The following BRINP3 variants were observed in gnomAD, a reference collection of about 807,000 sequenced individuals.
BRINP3 encodes BMP/retinoic acid-inducible neural-specific protein 3.
BRINP3 carries 19 observed loss-of-function variants against 71.0 expected under a neutral mutation model. That is an observed-to-expected ratio of 0.27 (90% CI 0.19 to 0.39). The LOEUF (loss-of-function observed/expected upper bound fraction) is 0.39. BRINP3 is among the 10% of genes least tolerant of loss of function. The pLI, the probability that BRINP3 is intolerant of heterozygous loss-of-function variation, is 1.00. For missense variants in BRINP3, 959 were observed against 940.8 expected (o/e 1.02, Z -0.25); for synonymous variants, 380 against 337.7 (o/e 1.13, Z -1.37).
chr1:190,199,539 G>T (rs145434650), intron 6 of BRINP3, among the ~76,000 whole-genome samples: 113 of 152,048 alleles, frequency 7.4e-4, no homozygotes, highest in African/African-American at 2.6e-3. Context: ...GAGCAATAAG[G>T]CTCCAAACTA....
chr1:190,342,962 T>C (rs1246712476), intron 2 of BRINP3, among the ~76,000 whole-genome samples: 1 of 151,812 alleles, frequency 6.6e-6, no homozygotes, highest in African/African-American at 2.4e-5. Context: ...AAGCTTTGAA[T>C]ACAAGTTTAA....
chr1:190,288,524 G>C (rs1663607974), intron 2 of BRINP3, among the ~76,000 whole-genome samples: 1 of 151,908 alleles, frequency 6.6e-6, no homozygotes, highest in Non-Finnish European at 1.5e-5. Flanking sequence ...AAAATGTAAA[G>C]CTTTCAGAAT....
In BRINP3 at chr1:190,180,931, A is replaced by AT. The variant is rs1259896061; in HGVS notation, c.962-20042dup. Reference sequence around the variant, plus strand: ...TTGTATTTTACATCAGTAAAGCACAATATCAGAAACAGGAAATTAATAGGC... The same window carrying AT: ...TTGTATTTTACATCAGTAAAGCACAATTATCAGAAACAGGAAATTAATAGGC... On this transcript the variant is annotated intron_variant, in intron 6 of 7. Coordinates refer to ENST00000367462, the MANE Select transcript of BRINP3 (RefSeq NM_199051.3). Among the ~76,000 whole-genome samples the AT allele has an allele frequency of 3.3e-5, 5 of 152,174 alleles. No homozygotes were observed. In the East Asian group the frequency reaches 9.7e-4, roughly 29 times the overall value.
chr1:190,234,715 A>G (rs1658352228), intron 4 of BRINP3, among the ~76,000 whole-genome samples: 1 of 152,092 alleles, frequency 6.6e-6, no homozygotes, highest in South Asian at 2.1e-4. Context: ...AAAATAATGC[A>G]TGCCATCTTT....
chr1:190,162,047 T>C (rs916402157), intron 6 of BRINP3, among the ~76,000 whole-genome samples: 7 of 152,108 alleles, frequency 4.6e-5, no homozygotes, highest in Non-Finnish European at 7.4e-5. Flanking sequence ...ATTGAAGGAA[T>C]AGACTTTTAT....
chr1:190,380,615 T>G (rs1250285456), intron 2 of BRINP3, among the ~76,000 whole-genome samples: 1 of 152,092 alleles, frequency 6.6e-6, no homozygotes, highest in African/African-American at 2.4e-5. Context: ...AACATTGAAA[T>G]GAAGGACATT....
intron 2 of BRINP3, among the ~76,000 whole-genome samples, chr1:190,412,216 T>G (rs1252183745): frequency 6.6e-6 from 1 of 151,940 alleles, no homozygotes; most frequent in African/African-American, 2.4e-5. Flanking sequence ...GCTGTGGGAC[T>G]GGATGAAGTT....
At chr1:190,126,019 C>A (rs533567303) in intron 7 of BRINP3, among the ~76,000 whole-genome samples, 24 of 151,896 alleles carry the variant, frequency 1.6e-4, no homozygotes, top group African/African-American at 5.8e-4. Context: ...GAAAAATACT[C>A]GTATCCTGTG....
intron 6 of BRINP3, among the ~76,000 whole-genome samples, chr1:190,178,851 A>G (rs571652614): frequency 1.8e-4 from 27 of 152,304 alleles, no homozygotes; most frequent in Middle Eastern, 3.4e-3. Flanking sequence ...TTGAAGAACT[A>G]TAAGGGAGGT....
chr1:190,414,096 T>C (rs1379889302), intron 2 of BRINP3, among the ~76,000 whole-genome samples: 1 of 152,158 alleles, frequency 6.6e-6, no homozygotes, highest in Non-Finnish European at 1.5e-5. Context: ...TGATTTATTT[T>C]AATCTTTACG....
intron 2 of BRINP3, among the ~76,000 whole-genome samples, chr1:190,414,167 T>C (rs1216436768): frequency 2.0e-5 from 3 of 152,122 alleles, no homozygotes; most frequent in African/African-American, 7.2e-5. Context: ...CAAAAAATAA[T>C]ATTTTTTACT....
intron 4 of BRINP3, among the ~76,000 whole-genome samples, chr1:190,241,415 T>C (rs1659081004): frequency 6.6e-6 from 1 of 152,098 alleles, no homozygotes; most frequent in African/African-American, 2.4e-5. Context: ...TTCCAAGCTT[T>C]ATAGTTAACA....
chr1:190,278,112 A>G (rs1053362976), intron 3 of BRINP3, among the ~76,000 whole-genome samples: 2 of 151,666 alleles, frequency 1.3e-5, no homozygotes, highest in African/African-American at 4.8e-5. Flanking sequence ...CTCTTAGGGG[A>G]AAAAGCCATT....
chr1:190,171,536 G>A (rs1482359779), intron 6 of BRINP3, among the ~76,000 whole-genome samples: 2 of 152,010 alleles, frequency 1.3e-5, no homozygotes, highest in Non-Finnish European at 2.9e-5. Flanking sequence ...AAGATCTACA[G>A]AAAAGTTGAA....
At position 190,103,342 on chromosome 1, in the gene BRINP3, G is replaced by A. The variant is rs557573085; in HGVS notation, c.1185-4208C>T. 2.2e-4 allele frequency among the ~76,000 whole-genome samples: 34 copies of A among 152,006 alleles called. No individual in the cohort carries two copies. In the South Asian group the frequency reaches 6.6e-3, roughly 30 times the overall value. On this transcript the variant is annotated intron_variant, in intron 7 of 7. Coordinates refer to ENST00000367462, the MANE Select transcript of BRINP3 (RefSeq NM_199051.3). ...CCACCTACGACAGAGTCTTACACTG[G>A]GTAAATGCTCATAATGAAACAACAT... is the stretch of plus-strand genomic sequence containing the variant.
intron 6 of BRINP3, among the ~76,000 whole-genome samples, chr1:190,203,640 T>G (rs1655208532): frequency 6.7e-6 from 1 of 148,962 alleles, no homozygotes; most frequent in Non-Finnish European, 1.5e-5. Context: ...TTTTAAAGAT[T>G]GTTGAACAGA....
chr1:190,412,394 A>AG (rs1672726617), intron 2 of BRINP3, among the ~76,000 whole-genome samples: 1 of 65,794 alleles, frequency 1.5e-5, no homozygotes, highest in Admixed American at 1.7e-4. Context: ...ATATATATAT[A>AG]TTATATATAT....
chr1:190,128,956 T>C (rs1654310268), intron 7 of BRINP3, among the ~76,000 whole-genome samples: 1 of 151,784 alleles, frequency 6.6e-6, no homozygotes, highest in Admixed American at 6.6e-5. Context: ...AATTTTAAAA[T>C]CTTACAGATA....
chr1:190,363,251 A>G (rs1050920062), intron 2 of BRINP3, among the ~76,000 whole-genome samples: 2 of 152,152 alleles, frequency 1.3e-5, no homozygotes, highest in African/African-American at 4.8e-5. Flanking sequence ...ACTGTCTACA[A>G]TGTAAGCTTG....
Sources: allele counts gnomAD v4.1 joint callset (sites outside exome capture counted in the v4.1 genomes callset), GRCh38; gene constraint gnomAD v4.1.1; transcripts MANE v1.5; gene names NCBI Gene and HGNC (gene_info 2026-07-23, HGNC 2026-07-21).